Variants in PTPN13 observed in about 807,000 individuals in gnomAD.
PTPN13 encodes protein tyrosine phosphatase non-receptor type 13.
PTPN13 carries 191 observed loss-of-function variants against 284.0 expected under a neutral mutation model. The observed-to-expected ratio is 0.67, with a 90% CI of 0.60 to 0.76. The LOEUF (loss-of-function observed/expected upper bound fraction) is 0.76. Among genes scored for constraint, PTPN13 ranks in the 30% least tolerant of loss-of-function variants. PTPN13 has a pLI of 0.00. For synonymous variants in PTPN13, 986 were observed against 1,022.3 expected, an observed-to-expected ratio of 0.96 and a Z score of 0.68; for missense variants, 2,797 against 2,939.9, an observed-to-expected ratio of 0.95 and a Z score of 1.12.
chr4:86,772,056 T>G (rs182552663), intron 31 of PTPN13, among the ~76,000 whole-genome samples: 1 of 152,356 alleles, frequency 6.6e-6, no homozygotes, highest in African/African-American at 2.4e-5. Flanking sequence ...CCAACTTTAT[T>G]TATTCAAGTT....
intron 40 of PTPN13, among the ~76,000 whole-genome samples, chr4:86,796,655 A>G (rs1743375879): frequency 6.6e-6 from 1 of 152,190 alleles, no homozygotes; most frequent in Non-Finnish European, 1.5e-5. Context: ...TGAAAAGCCA[A>G]GATGAGTGTG....
At chr4:86,709,986 C>G (rs1732202323) in intron 7 of PTPN13, among the ~76,000 whole-genome samples, 1 of 152,144 alleles carries the variant, frequency 6.6e-6, no homozygotes, top group Non-Finnish European at 1.5e-5. Context: ...GTCTAGCTCT[C>G]AAGGGATTTT....
intron 9 of PTPN13, among the ~76,000 whole-genome samples, chr4:86,717,898 G>A (rs1351565960): frequency 1.3e-5 from 2 of 151,426 alleles, no homozygotes; most frequent in Non-Finnish European, 2.9e-5. Context: ...GCTTAAAAGA[G>A]GTTATGTGGT....
intron 39 of PTPN13, 123 bp downstream of exon 39, chr4:86,785,491 T>A: frequency 1.1e-6 from 1 of 915,460 alleles, no homozygotes; most frequent in South Asian, 2.3e-5. Flanking sequence ...GTGTAATATT[T>A]CAGAAACAAA....
intron 1 of PTPN13, among the ~76,000 whole-genome samples, chr4:86,614,025 A>G (rs1433686188): frequency 6.6e-6 from 1 of 152,176 alleles, no homozygotes; most frequent in Admixed American, 6.5e-5. Flanking sequence ...ATAATTGTCA[A>G]TCCTATTGTT....
intron 44 of PTPN13, 38 bp downstream of exon 44, chr4:86,805,407 A>G (rs772620739): frequency 7.8e-7 from 1 of 1,284,634 alleles, no homozygotes; most frequent in South Asian, 1.4e-5. Flanking sequence ...ATATGTGATC[A>G]GTATAATATT....
chr4:86,809,530 T>G (rs1166187565), intron 45 of PTPN13, among the ~76,000 whole-genome samples: 2 of 152,074 alleles, frequency 1.3e-5, no homozygotes, highest in African/African-American at 4.8e-5. Context: ...AAACCCCATC[T>G]CTACTAAAAA....
intron 15 of PTPN13, 143 bp from the exon 16 acceptor site, chr4:86,741,491 T>A (rs528254655): frequency 1.5e-6 from 1 of 666,712 alleles, no homozygotes. Flanking sequence ...TTCAGTTACC[T>A]CTCAGTGGGT....
intron 47 of PTPN13, among the ~76,000 whole-genome samples, chr4:86,813,671 C>A (rs1293703170): frequency 6.6e-6 from 1 of 152,152 alleles, no homozygotes; most frequent in East Asian, 1.9e-4. Context: ...AAGTGATCCA[C>A]CTGCCTCGGC....
intron 2 of PTPN13, 44 bp downstream of exon 2, chr4:86,635,415 T>C (rs1722902424): frequency 6.4e-7 from 1 of 1,552,898 alleles, no homozygotes; most frequent in Middle Eastern, 1.8e-4. Context: ...TGTTTCAGTA[T>C]TGGGTACTTA....
intron 40 of PTPN13, among the ~76,000 whole-genome samples, chr4:86,789,726 C>G (rs897946940): frequency 1.3e-5 from 2 of 152,122 alleles, no homozygotes; most frequent in Non-Finnish European, 2.9e-5. Flanking sequence ...TTCCAAAGGT[C>G]CTTCAGTCCA....
chr4:86,660,351 C>T (rs1726333946), intron 2 of PTPN13, among the ~76,000 whole-genome samples: 1 of 150,984 alleles, frequency 6.6e-6, no homozygotes. Flanking sequence ...ACGATTAAAG[C>T]ATAAGAAGAG....
At chr4:86,628,026 G>A (rs764479512) in intron 1 of PTPN13, among the ~76,000 whole-genome samples, 12 of 152,192 alleles carry the variant, frequency 7.9e-5, no homozygotes, top group Non-Finnish European at 1.6e-4. Flanking sequence ...GAACATTTGT[G>A]TACAGGTCTT....
At chr4:86,616,708 C>T (rs1244495468) in intron 1 of PTPN13, among the ~76,000 whole-genome samples, 1 of 152,138 alleles carries the variant, frequency 6.6e-6, no homozygotes, top group Non-Finnish European at 1.5e-5. Context: ...ATGTGATGTG[C>T]CTACTCCCCC....
chr4:86,627,532 T>A (rs1721978856), intron 1 of PTPN13, among the ~76,000 whole-genome samples: 1 of 151,948 alleles, frequency 6.6e-6, no homozygotes, highest in African/African-American at 2.4e-5. Context: ...TTTTAACAGC[T>A]TTATTGAGGC....
At chr4:86,782,478 C>T (rs1335891910) in intron 37 of PTPN13, among the ~76,000 whole-genome samples, 1 of 152,192 alleles carries the variant, frequency 6.6e-6, no homozygotes, top group East Asian at 1.9e-4. Context: ...TTAGCACACA[C>T]TCAGCTTTTA....
chr4:86,715,238 G>T (rs1433802907), intron 7 of PTPN13, among the ~76,000 whole-genome samples: 1 of 151,882 alleles, frequency 6.6e-6, no homozygotes, highest in African/African-American at 2.4e-5. Context: ...GTATATACGT[G>T]TGTGTGTATA....
intron 1 of PTPN13, among the ~76,000 whole-genome samples, chr4:86,634,629 G>A (rs913390878): frequency 1.3e-5 from 2 of 152,076 alleles, no homozygotes; most frequent in Non-Finnish European, 2.9e-5. Flanking sequence ...TCATTCCTGT[G>A]TTACAATAGG....
chr4:86,805,094 T>C (rs962734270), intron 43 of PTPN13, among the ~76,000 whole-genome samples, 185 bp from the exon 44 acceptor site: 20 of 152,220 alleles, frequency 1.3e-4, no homozygotes, highest in African/African-American at 4.8e-4. Context: ...AAGATACTTG[T>C]AACAATATAT....
Sources: allele counts gnomAD v4.1 joint callset (sites outside exome capture counted in the v4.1 genomes callset), GRCh38; gene constraint gnomAD v4.1.1; transcripts MANE v1.5; gene names NCBI Gene and HGNC (gene_info 2026-07-23, HGNC 2026-07-21).